The following SETBP1 variants were observed in gnomAD, a reference collection of about 807,000 sequenced individuals.
The protein encoded by SETBP1 is SET-binding protein.
SETBP1 carries 9 observed loss-of-function variants against 101.0 expected under a neutral mutation model. That is an observed-to-expected ratio of 0.09 (90% CI 0.05 to 0.16). SETBP1 has a LOEUF of 0.16. SETBP1 is among the 10% of genes least tolerant of loss of function. The pLI, the probability that SETBP1 is intolerant of heterozygous loss-of-function variation, is 1.00. For synonymous variants in SETBP1, 818 were observed against 788.5 expected (o/e 1.04, Z -0.63); for missense variants, 1,858 against 2,033.8 (o/e 0.91, Z 1.66).
chr18:44,694,621 A>T (rs1342537007), intron 1 of SETBP1, among the ~76,000 whole-genome samples: 4 of 152,210 alleles, frequency 2.6e-5, no homozygotes, highest in African/African-American at 9.6e-5. Flanking sequence ...ATCCCTGGTT[A>T]CTGTTCACTA....
intron 4 of SETBP1, among the ~76,000 whole-genome samples, chr18:44,972,132 A>G (rs894047188): frequency 2.0e-4 from 30 of 152,196 alleles, no homozygotes; most frequent in African/African-American, 7.0e-4. Context: ...TTAAATAGGG[A>G]ATCCTTTCCC....
At chr18:44,877,872 G>A (rs186366835) in intron 3 of SETBP1, among the ~76,000 whole-genome samples, 75 of 152,146 alleles carry the variant, frequency 4.9e-4, no homozygotes, top group South Asian at 4.1e-3. Flanking sequence ...GTCTTAATAA[G>A]TTCTCCTGGG....
chr18:44,895,729 A>G (rs1488936189), intron 3 of SETBP1, among the ~76,000 whole-genome samples: 5 of 152,132 alleles, frequency 3.3e-5, no homozygotes, highest in Admixed American at 2.0e-4. Flanking sequence ...GAATTTTAGG[A>G]TGACTTATTA....
At chr18:44,800,844 G>A (rs144187337) in intron 2 of SETBP1, among the ~76,000 whole-genome samples, 5 of 152,214 alleles carry the variant, frequency 3.3e-5, no homozygotes, top group Non-Finnish European at 7.4e-5. Context: ...TGTTTATTGC[G>A]GCACTATTCG....
chr18:44,709,036 G>A (rs1022439502), intron 2 of SETBP1, among the ~76,000 whole-genome samples: 4 of 152,276 alleles, frequency 2.6e-5, no homozygotes, highest in African/African-American at 9.6e-5. Context: ...TACCAAACTC[G>A]TGTTCCGTAA....
chr18:44,961,873 G>A (rs1427093037), intron 4 of SETBP1, among the ~76,000 whole-genome samples: 1 of 152,204 alleles, frequency 6.6e-6, no homozygotes, highest in East Asian at 1.9e-4. Flanking sequence ...GTTATCACAA[G>A]TTCGAATAAA....
chr18:44,735,101 GT>G (rs1169908703), intron 2 of SETBP1, among the ~76,000 whole-genome samples: 1 of 152,184 alleles, frequency 6.6e-6, no homozygotes, highest in Non-Finnish European at 1.5e-5. Context: ...CCTCAATGAT[GT>G]TTCTCAATAT....
intron 5 of SETBP1, among the ~76,000 whole-genome samples, chr18:45,056,648 G>T (rs1003134401): frequency 6.6e-5 from 10 of 152,222 alleles, no homozygotes; most frequent in African/African-American, 2.4e-4. Flanking sequence ...GGGCAAGGTG[G>T]CAGGGGCAGG....
intron 3 of SETBP1, among the ~76,000 whole-genome samples, chr18:44,936,481 C>A (rs904126656): frequency 6.6e-6 from 1 of 152,226 alleles, no homozygotes; most frequent in Non-Finnish European, 1.5e-5. Flanking sequence ...AGCTCTACTG[C>A]TGAGAGGCTG....
chr18:44,842,329 G>A (rs142806613), intron 2 of SETBP1, among the ~76,000 whole-genome samples: 1 of 152,158 alleles, frequency 6.6e-6, no homozygotes, highest in Admixed American at 6.5e-5. Flanking sequence ...GAGCAAATAG[G>A]TCACCGGACA....
rs551473893 is a variant in SETBP1, at chr18:44,908,292, G to A, written c.540+39009G>A. Among the ~76,000 whole-genome samples, 52 of 151,816 alleles carry A rather than the reference G, an allele frequency of 3.4e-4. 1 individual carries two copies. The highest frequency in any genetic ancestry group is 6.2e-4 in the Non-Finnish European group (42 of 67,858). Reference sequence around the variant, plus strand: ...GCCAGGCTGGTCTTGAACTCCTCACGTCGCCACCTCGGCCTCCCAAAGTGC... The same window carrying A: ...GCCAGGCTGGTCTTGAACTCCTCACATCGCCACCTCGGCCTCCCAAAGTGC... On this transcript the variant is annotated intron_variant, in intron 3 of 5. Coordinates refer to ENST00000649279, the MANE Select transcript of SETBP1 (RefSeq NM_015559.3).
At chr18:44,992,131 A>G (rs536542782) in intron 4 of SETBP1, among the ~76,000 whole-genome samples, 1 of 152,284 alleles carries the variant, frequency 6.6e-6, no homozygotes, top group Admixed American at 6.5e-5. Flanking sequence ...TTAGAAGTTT[A>G]AAGATTTACA....
At chr18:44,898,481 C>T (rs1444333159) in intron 3 of SETBP1, among the ~76,000 whole-genome samples, 1 of 152,152 alleles carries the variant, frequency 6.6e-6, no homozygotes, top group Non-Finnish European at 1.5e-5. Flanking sequence ...TTAATAAGCC[C>T]TGCAGGTAAA....
Position 44,920,634 on chromosome 18 carries a change from G to A in SETBP1, c.541-29247G>A, listed in dbSNP as rs149786534. 2.7e-3 allele frequency among the ~76,000 whole-genome samples: 417 copies of A among 152,198 alleles called. 1 individual carries two copies. The highest frequency in any genetic ancestry group is 2.0e-3 in the Non-Finnish European group (133 of 68,010). ...AAAATAATCTCTGTGCTTATCCATC[G>A]TCATAAGGGTGGCTGTCAGTCATCA... On this transcript the variant is annotated intron_variant, in intron 3 of 5. Coordinates refer to ENST00000649279, the MANE Select transcript of SETBP1 (RefSeq NM_015559.3).
chr18:45,019,103 G>A (rs1322482522), intron 4 of SETBP1, among the ~76,000 whole-genome samples: 1 of 152,142 alleles, frequency 6.6e-6, no homozygotes, highest in African/African-American at 2.4e-5. Context: ...ACCTGCTCAA[G>A]CCTAGAACCC....
intron 2 of SETBP1, among the ~76,000 whole-genome samples, chr18:44,783,314 A>G (rs1388073018): frequency 2.6e-5 from 4 of 152,224 alleles, no homozygotes. Context: ...GCTTGTTTTT[A>G]GCAGAATCTT....
intron 2 of SETBP1, among the ~76,000 whole-genome samples, chr18:44,832,538 C>G (rs1301079336): frequency 6.6e-6 from 1 of 152,244 alleles, no homozygotes; most frequent in Non-Finnish European, 1.5e-5. Flanking sequence ...AGGATGCAAA[C>G]TAGTCATGGC....
intron 2 of SETBP1, among the ~76,000 whole-genome samples, chr18:44,822,058 C>T (rs915567031): frequency 3.9e-5 from 6 of 152,196 alleles, no homozygotes; most frequent in Admixed American, 1.3e-4. Context: ...TCTTTGATTT[C>T]CTGCTAGTGT....
chr18:44,943,476 A>G (rs1243148702), intron 3 of SETBP1, among the ~76,000 whole-genome samples: 1 of 152,176 alleles, frequency 6.6e-6, no homozygotes, highest in Non-Finnish European at 1.5e-5. Context: ...CCTGTCTTTG[A>G]TATAATCCAG....
Sources: gnomAD v4.1 joint callset for allele counts (sites outside exome capture counted in the v4.1 genomes callset) on GRCh38, gnomAD v4.1.1 for gene constraint, MANE v1.5 for transcripts, NCBI Gene and HGNC (gene_info 2026-07-23, HGNC 2026-07-21) for gene names.